The following LRRC7 variants were observed in gnomAD, a reference collection of about 807,000 sequenced individuals.
LRRC7 encodes the protein leucine rich repeat containing 7, also known as leucine-rich repeat-containing protein 7.
A neutral mutation model predicts 175.7 loss-of-function variants in LRRC7; 23 were observed. That is an observed-to-expected ratio of 0.13 (90% confidence interval 0.09 to 0.19). The LOEUF (loss-of-function observed/expected upper bound fraction) is 0.19. Among genes scored for constraint, LRRC7 ranks in the 10% least tolerant of loss-of-function variants. The probability of loss-of-function intolerance (pLI) is 1.00; values close to 1 mark genes in which losing one functional copy is unlikely to be tolerated. For synonymous variants in LRRC7, 685 were observed against 680.9 expected, an observed-to-expected ratio of 1.01 and a Z score of -0.09; for missense variants, 1,354 against 1,904.7, an observed-to-expected ratio of 0.71 and a Z score of 5.38.
At chr1:69,598,057 A>G (rs1381169256) in intron 1 of LRRC7, among the ~76,000 whole-genome samples, 1 of 152,164 alleles carries the variant, frequency 6.6e-6, no homozygotes, top group Non-Finnish European at 1.5e-5. Context: ...AAATCCTGCT[A>G]ATATATACTT....
At chr1:69,771,811 C>CA (rs1672270082) in intron 3 of LRRC7, among the ~76,000 whole-genome samples, 2 of 152,102 alleles carry the variant, frequency 1.3e-5, no homozygotes, top group Admixed American at 6.6e-5. Context: ...TAGGTGATGG[C>CA]AAACGCCATT....
intron 26 of LRRC7, among the ~76,000 whole-genome samples, chr1:70,115,725 C>G (rs1343184227): frequency 1.3e-5 from 2 of 151,908 alleles, no homozygotes; most frequent in Non-Finnish European, 2.9e-5. Context: ...AGAGCAGGAA[C>G]AAAGCAGGAA....
chr1:69,973,053 C>T (rs1338739255), intron 8 of LRRC7, among the ~76,000 whole-genome samples: 1 of 140,952 alleles, frequency 7.1e-6, no homozygotes, highest in African/African-American at 2.6e-5. Context: ...ATATATAATA[C>T]TATATATATA....
chr1:69,781,689 A>AAAGAAAGAAAGAAAGAAAGAAAG (rs1673535703), intron 3 of LRRC7, among the ~76,000 whole-genome samples: 1 of 21,658 alleles, frequency 4.6e-5, no homozygotes, highest in Non-Finnish European at 7.7e-5. Flanking sequence ...CAAAAAAAAG[A>AAAGAAAGAAAGAAAGAAAGAAAG]AGAAAGAAAG....
At chr1:70,112,817 G>C (rs1160417377) in intron 26 of LRRC7, among the ~76,000 whole-genome samples, 7 of 151,972 alleles carry the variant, frequency 4.6e-5, no homozygotes, top group African/African-American at 1.7e-4. Context: ...AGGAGGAGGA[G>C]GAATATCTGT....
intron 26 of LRRC7, among the ~76,000 whole-genome samples, chr1:70,108,677 G>GC (rs1194648146): frequency 2.0e-5 from 3 of 152,142 alleles, no homozygotes; most frequent in Non-Finnish European, 4.4e-5. Context: ...TTGACCATCT[G>GC]CAACAGTTAT....
chr1:70,015,950 T>C (rs929973643), intron 13 of LRRC7, among the ~76,000 whole-genome samples: 8 of 152,238 alleles, frequency 5.3e-5, no homozygotes, highest in Admixed American at 3.3e-4. Flanking sequence ...CAAAAATAAA[T>C]GTATAATTTA....
intron 7 of LRRC7, among the ~76,000 whole-genome samples, chr1:69,872,499 G>T (rs1056400398): frequency 1.4e-4 from 22 of 151,922 alleles, no homozygotes; most frequent in Non-Finnish European, 2.7e-4. Flanking sequence ...AATTAAAAAG[G>T]TGGTTACTTA....
intron 8 of LRRC7, 107 bp downstream of exon 8, chr1:69,931,677 CT>C: frequency 1.1e-6 from 1 of 884,026 alleles, no homozygotes; most frequent in Non-Finnish European, 1.8e-6. Flanking sequence ...TTTGCATTTG[CT>C]AAATGTAAAA....
intron 1 of LRRC7, among the ~76,000 whole-genome samples, chr1:69,670,483 A>G (rs960987967): frequency 1.3e-5 from 2 of 152,166 alleles, no homozygotes; most frequent in Admixed American, 1.3e-4. Flanking sequence ...CCAGCACAGC[A>G]CTGGGCCTCA....
chr1:69,654,486 G>T (rs913043019), intron 1 of LRRC7, among the ~76,000 whole-genome samples: 1 of 151,850 alleles, frequency 6.6e-6, no homozygotes, highest in Admixed American at 6.6e-5. Context: ...AATTAGAGTT[G>T]TGATAACAAG....
chr1:69,708,376 A>C (rs780226241), intron 2 of LRRC7, among the ~76,000 whole-genome samples: 1 of 151,886 alleles, frequency 6.6e-6, no homozygotes, highest in Non-Finnish European at 1.5e-5. Context: ...CCCCTCCTTC[A>C]TGCTTATTAG....
At chr1:69,874,194 A>G (rs535197416) in intron 7 of LRRC7, 3 of 152,284 alleles carry the variant, frequency 2.0e-5, no homozygotes, top group Admixed American at 1.3e-4. Context: ...TTAATTAACC[A>G]TATTGGCTTT....
Position 69,718,255 on chromosome 1 carries a change from G to A in LRRC7, c.100+39777G>A, listed in dbSNP as rs184974899. On this transcript the variant is annotated intron_variant, in intron 2 of 26. Transcript: ENST00000651989. ...GCAGGGAGTTTGGTGCTGGGAAACAGGGAAATCAATGGCTTGTTGTAAGCC... is the reference window on the plus strand; with the variant it reads ...GCAGGGAGTTTGGTGCTGGGAAACAAGGAAATCAATGGCTTGTTGTAAGCC... Among the ~76,000 whole-genome samples the A allele has an allele frequency of 2.6e-4, 40 of 151,888 alleles. No individual in the cohort carries two copies. The East Asian group carries it at 5.8e-3, about 22-fold the overall frequency.
intron 2 of LRRC7, among the ~76,000 whole-genome samples, chr1:69,697,690 C>G (rs1283969394): frequency 6.6e-6 from 1 of 152,226 alleles, no homozygotes; most frequent in African/African-American, 2.4e-5. Context: ...AAGTCAAAAT[C>G]TTGCATAGCT....
Position 69,763,649 on chromosome 1 carries a change from A to G in LRRC7, c.303+3256A>G, listed in dbSNP as rs199578247. ...GATAACCATAATGTGCACTATAAAG[A>G]AACTGCTATAAAATAATTATTTCAG... On this transcript the variant is annotated intron_variant, in intron 3 of 26. Coordinates refer to ENST00000651989, the MANE Select transcript of LRRC7 (RefSeq NM_001370785.2). 8.5e-5 allele frequency among the ~76,000 whole-genome samples: 13 copies of G among 152,192 alleles called. No homozygotes were observed. In the East Asian group the frequency reaches 2.5e-3, roughly 29 times the overall value.
intron 24 of LRRC7, among the ~76,000 whole-genome samples, chr1:70,084,995 T>C (rs1434117413): frequency 6.6e-6 from 1 of 152,166 alleles, no homozygotes; most frequent in Non-Finnish European, 1.5e-5. Context: ...AATTTGGATG[T>C]CTTTTTATTA....
At chr1:70,037,999 A>G (rs530599024) in intron 20 of LRRC7, 114 bp from the exon 21 acceptor site, 3 of 1,279,750 alleles carry the variant, frequency 2.3e-6, no homozygotes, top group Non-Finnish European at 1.1e-6. Flanking sequence ...AAGTCAGGTG[A>G]GGATTATTGA....
intron 2 of LRRC7, among the ~76,000 whole-genome samples, chr1:69,712,731 G>T (rs138180228): frequency 1.3e-5 from 2 of 152,202 alleles, no homozygotes; most frequent in East Asian, 3.9e-4. Context: ...GTGACTAAGT[G>T]CATTTGGTCT....
Sources: allele counts gnomAD v4.1 joint callset (sites outside exome capture counted in the v4.1 genomes callset), GRCh38; gene constraint gnomAD v4.1.1; transcripts MANE v1.5; gene names NCBI Gene and HGNC (gene_info 2026-07-23, HGNC 2026-07-21).